Variants in ZNF862 observed in about 807,000 individuals in gnomAD.
ZNF862 encodes zinc finger protein 862.
In ZNF862, 64 loss-of-function variants were observed where a neutral mutation model predicts 91.1. The observed-to-expected ratio is 0.70, with a 90% CI of 0.57 to 0.87. The LOEUF (loss-of-function observed/expected upper bound fraction) is 0.87, where lower values mean the gene tolerates loss of function less well. ZNF862 is among the 40% of genes least tolerant of loss of function. ZNF862 has a pLI of 0.00. For missense variants in ZNF862, 1,459 were observed against 1,528.0 expected (o/e 0.95, Z 0.75); for synonymous variants, 631 against 618.1 (o/e 1.02, Z -0.31).
intron 7 of ZNF862, 94 bp downstream of exon 7, chr7:149,862,588 T>C (rs1022922141): frequency 2.9e-6 from 4 of 1,360,820 alleles, no homozygotes; most frequent in Admixed American, 2.7e-5. Flanking sequence ...GCTTCTGTCA[T>C]GCACCCACCC....
chr7:149,850,539 C>T lies in ZNF862; in HGVS notation c.1117+201C>T. ...CCTTCTCATCCACCCACCTGTTCAT[C>T]CATTCGTCCCCCACCAAACATTTTG... is the stretch of plus-strand genomic sequence containing the variant. On this transcript the variant is annotated intron_variant, in intron 5 of 7. Coordinates refer to ENST00000223210, the MANE Select transcript of ZNF862 (RefSeq NM_001099220.3). The surrounding 1 kb of genome is among the most constrained non-coding windows in gnomAD (Gnocchi z 4.2). The T allele has an allele frequency of 1.8e-6, 1 of 560,468 alleles. No homozygotes were observed. Among genetic ancestry groups the T allele is most frequent in the Non-Finnish European group, 3.1e-6 (1 of 319,288 alleles). The allele number at this position is 560,468 out of a possible 1,614,324, so 34.7% of individuals were successfully genotyped here.
chr7:149,840,187 TAAAAAAAAAAAAAAA>T (rs60721842), intron 1 of ZNF862, among the ~76,000 whole-genome samples: 3 of 41,246 alleles, frequency 7.3e-5, no homozygotes, highest in East Asian at 2.4e-3. Flanking sequence ...GCTTAAAAAG[TAAAAAAAAAAAAAAA>T]AAAAAAAAAA....
Position 149,862,122 on chromosome 7 carries a change from G to C in ZNF862, c.2962G>C (p.Ala988Pro). The change falls in exon 7 of 8, where the codon GCT (alanine) becomes CCT (proline). Residue 988 changes from alanine (A) to proline (P), a missense_variant. Coordinates refer to ENST00000223210, the MANE Select transcript of ZNF862 (RefSeq NM_001099220.3). The part of the protein sequence containing the change: ...CSLPTGYSEE[A>P]LLEEWLGLKT... ...CCTCCCAACAGGATACAGTGAGGAAGCTCTGCTGGAGGAGTGGCTGGGCCT... is the reference window on the plus strand; with the variant it reads ...CCTCCCAACAGGATACAGTGAGGAACCTCTGCTGGAGGAGTGGCTGGGCCT... The C allele has an allele frequency of 6.2e-7, 1 of 1,613,598 alleles. No homozygotes were observed. The highest frequency in any genetic ancestry group is 8.5e-7 in the Non-Finnish European group (1 of 1,179,880).
chr7:149,849,724 G>A (rs1000487506), intron 4 of ZNF862, among the ~76,000 whole-genome samples: 4 of 152,216 alleles, frequency 2.6e-5, no homozygotes, highest in Non-Finnish European at 4.4e-5. Context: ...GCAGTGAGGC[G>A]TGTGTAAACC....
chr7:149,853,111 TG>T (rs1802124031), intron 5 of ZNF862, among the ~76,000 whole-genome samples: 1 of 152,166 alleles, frequency 6.6e-6, no homozygotes. Context: ...TTGTTTGAGA[TG>T]GGGTCTCTCT....
chr7:149,858,847 C>G (rs893750399), intron 5 of ZNF862: 11 of 123,462 alleles, frequency 8.9e-5, no homozygotes, highest in African/African-American at 3.5e-4. Flanking sequence ...TTCACAAAGG[C>G]CAGCTGTGGG....
At chr7:149,844,438 T>C (rs1308789764) in intron 1 of ZNF862, among the ~76,000 whole-genome samples, 187 bp from the exon 2 acceptor site, 1 of 152,128 alleles carries the variant, frequency 6.6e-6, no homozygotes, top group Non-Finnish European at 1.5e-5. Context: ...GCGTGGCACT[T>C]CCCAGAAGAA....
intron 1 of ZNF862, among the ~76,000 whole-genome samples, chr7:149,842,317 G>A (rs1801735797): frequency 6.6e-6 from 1 of 152,214 alleles, no homozygotes; most frequent in Non-Finnish European, 1.5e-5. Flanking sequence ...GTTAGAAAGT[G>A]GGTTAGATTC....
In ZNF862 at chr7:149,850,685, A is replaced by G. The variant is rs1802043537; in HGVS notation, c.1117+347A>G. ...AAACTATAAAATAATACAGTCTCCC[A>G]TAAAAGAGCTTCCAGAAGAGTACCC... On this transcript the variant is annotated intron_variant, in intron 5 of 7. Transcript: ENST00000223210. The surrounding 1 kb of genome is among the most constrained non-coding windows in gnomAD (Gnocchi z 4.2). 5.4e-6 allele frequency: 1 copy of G among 185,944 alleles called. No individual in the cohort carries two copies. 11.5% of individuals were successfully genotyped at this position (185,944 alleles called of 1,614,324 possible). A position where few individuals can be genotyped will look rare whatever the true frequency, so the allele number is the denominator to read the frequency against.
rs1241027778 is a variant in ZNF862 at position 149,864,799 on chromosome 7, T to C, written c.*515T>C. The C allele has an allele frequency of 6.5e-6, 1 of 154,764 alleles. No homozygotes were observed. Among genetic ancestry groups the C allele is most frequent in the Admixed American group, 6.3e-5 (1 of 15,796 alleles). The allele number at this position is 154,764 out of a possible 1,614,324, so 9.6% of individuals were successfully genotyped here. A position where few individuals can be genotyped will look rare whatever the true frequency, so the allele number is the denominator to read the frequency against. On this transcript the variant is annotated 3_prime_UTR_variant, in exon 8 of 8. Transcript: ENST00000223210. Reference sequence around the variant, plus strand: ...ACCCTGGCTCCCACAGCAGAAGCAGTGAGGCCGTGGTCTCGTGCGGAACTC... The same window carrying C: ...ACCCTGGCTCCCACAGCAGAAGCAGCGAGGCCGTGGTCTCGTGCGGAACTC...
At chr7:149,853,337 A>T (rs1379431212) in intron 5 of ZNF862, among the ~76,000 whole-genome samples, 5 of 152,170 alleles carry the variant, frequency 3.3e-5, no homozygotes, top group African/African-American at 1.2e-4. Context: ...ACTGTTATGG[A>T]ATGTGGGTGT....
At chr7:149,852,366 TGTGTGTGAGA>T (rs1177362915) in intron 5 of ZNF862, among the ~76,000 whole-genome samples, 3 of 138,356 alleles carry the variant, frequency 2.2e-5, no homozygotes, top group Non-Finnish European at 3.3e-5. Context: ...TGTGTGTGTG[TGTGTGTGAGA>T]GAGAGAGAGA....
rs1466384797 is a variant in ZNF862 at position 149,866,507 on chromosome 7, G to C, written c.*2223G>C. Reference sequence around the variant, plus strand: ...ATCCCTCAGAGCAGGAGGCCATCCTGTGAGCAGCCGTGAGTGGGTCTCTGT... The same window carrying C: ...ATCCCTCAGAGCAGGAGGCCATCCTCTGAGCAGCCGTGAGTGGGTCTCTGT... On this transcript the variant is annotated 3_prime_UTR_variant, in exon 8 of 8. Transcript: ENST00000223210. The C allele has an allele frequency of 6.6e-6, 1 of 152,204 alleles. No individual in the cohort carries two copies. The highest frequency in any genetic ancestry group is 1.9e-4 in the East Asian group (1 of 5,188). 9.4% of individuals were successfully genotyped at this position (152,204 alleles called of 1,614,324 possible).
In ZNF862 at chr7:149,860,710, A is replaced by G. The variant is rs760019811; in HGVS notation, c.1550A>G (p.Lys517Arg). 3.1e-6 allele frequency: 5 copies of G among 1,613,962 alleles called. No individual in the cohort carries two copies. In the Admixed American group the frequency reaches 5.0e-5, roughly 16 times the overall value. ...YTGPFKVETLKYHEVSKAHRL... is the reference protein window; with the variant it reads ...YTGPFKVETLRYHEVSKAHRL... ...GGGCCTTTTAAAGTGGAGACTTTAA[A>G]ATACCATGAAGTCAGCAAAGCGCAC... Residue 517 changes from lysine (K) to arginine (R), a missense_variant, in exon 7 of 8, where the codon AAA (lysine) becomes AGA (arginine). Transcript: ENST00000223210.
intron 1 of ZNF862, among the ~76,000 whole-genome samples, chr7:149,838,840 C>T (rs1234360453): frequency 1.3e-5 from 2 of 152,242 alleles, no homozygotes; most frequent in African/African-American, 4.8e-5. Context: ...GTTCGGTGTC[C>T]GCGCATCCTC....
In ZNF862 at chr7:149,859,462, G is replaced by C; in HGVS notation, c.1158G>C (p.Glu386Asp). Reference sequence around the variant, plus strand: ...AGCCAGACTTGATCTCCAAACTGGAGCGGAGGGCTGCACCCTGGATCAAGG... The same window carrying C: ...AGCCAGACTTGATCTCCAAACTGGACCGGAGGGCTGCACCCTGGATCAAGG... ...AAKPDLISKL[E>D]RRAAPWIKDP... The change falls in exon 6 of 8, where the codon GAG becomes GAC. Residue 386 changes from glutamate (E) to aspartate (D), a missense_variant. Glu to Asp is a conservative substitution (Grantham distance 45). Transcript: ENST00000223210. The C allele has an allele frequency of 1.9e-6, 3 of 1,588,502 alleles. No homozygotes were observed. In the South Asian group the frequency reaches 3.5e-5, roughly 18 times the overall value.
In ZNF862 at chr7:149,848,383, C is replaced by A; in HGVS notation, c.890C>A (p.Ser297Tyr). 6.3e-7 allele frequency: 1 copy of A among 1,594,952 alleles called. No homozygotes were observed. The highest frequency in any genetic ancestry group is 1.1e-5 in the South Asian group (1 of 88,262). Reference sequence around the variant, plus strand: ...GAAATCACTGATGGCATCCACAGCTCCTCAGACATTAATATTTTATATAAT... The same window carrying A: ...GAAATCACTGATGGCATCCACAGCTACTCAGACATTAATATTTTATATAAT... Reference protein sequence around the residue: ...QKEITDGIHSSSDINILYNDA... With the variant: ...QKEITDGIHSYSDINILYNDA... The change falls in exon 4 of 8, where the codon TCC becomes TAC. Residue 297 changes from serine (S) to tyrosine (Y), a missense_variant. Transcript: ENST00000223210.
In ZNF862 at chr7:149,859,487, G is replaced by C. The variant is rs568668036; in HGVS notation, c.1183G>C (p.Asp395His). 1.9e-6 allele frequency: 3 copies of C among 1,586,516 alleles called. 1 individual carries two copies. In the South Asian group the frequency reaches 3.5e-5, roughly 18 times the overall value. ...LERRAAPWIKDPNGPKWGKGR... is the reference protein window; with the variant it reads ...LERRAAPWIKHPNGPKWGKGR... ...GCGGAGGGCTGCACCCTGGATCAAG[G>C]ACCCAAATGGGCCAAAGTGGGGGAA... Residue 395 changes from aspartate (D) to histidine (H), a missense_variant, in exon 6 of 8, where the codon GAC (aspartate) becomes CAC (histidine). Coordinates refer to ENST00000223210, the MANE Select transcript of ZNF862 (RefSeq NM_001099220.3).
rs772023933 is a variant in ZNF862, at chr7:149,848,209, G to A, written c.716G>A (p.Cys239Tyr). ...ASPEPLFTAD[C>Y]PIFYPPGPLG... is the part of the protein sequence containing the mutation. Reference sequence around the variant, plus strand: ...CCGGAGCCGCTCTTCACTGCAGATTGCCCCATATTCTACCCCCCAGGGCCT... The same window carrying A: ...CCGGAGCCGCTCTTCACTGCAGATTACCCCATATTCTACCCCCCAGGGCCT... The change falls in exon 4 of 8, where the codon TGC becomes TAC. Residue 239 changes from cysteine (C) to tyrosine (Y), a missense_variant. Physicochemically the swap from Cys to Tyr is radical, Grantham distance 194 (BLOSUM62 -2). Coordinates refer to ENST00000223210, the MANE Select transcript of ZNF862 (RefSeq NM_001099220.3). 5 of 1,613,864 alleles carry A rather than the reference G, an allele frequency of 3.1e-6. No individual in the cohort carries two copies. The African/African-American group carries it at 5.3e-5, about 17-fold the overall frequency.
Sources: gnomAD v4.1 joint callset for allele counts (sites outside exome capture counted in the v4.1 genomes callset) on GRCh38, gnomAD v4.1.1 for gene constraint, Gnocchi (gnomAD v3.1) non-coding constraint, MANE v1.5 for transcripts, NCBI Gene and HGNC (gene_info 2026-07-23, HGNC 2026-07-21) for gene names.